FKBP5: variants seen among roughly 807,000 people sequenced by gnomAD.
The protein encoded by FKBP5 is FKBP prolyl isomerase 5.
Under a neutral mutation model 50.5 loss-of-function variants are expected in FKBP5, and 23 were observed. The ratio of observed to expected loss-of-function variants is 0.46; its 90% CI spans 0.33 to 0.65. The LOEUF is 0.65. Ranked by LOEUF, FKBP5 falls within the 30% of genes least tolerant of loss-of-function variation. The pLI is 0.02. For synonymous variants in FKBP5, 176 were observed against 190.6 expected, an observed-to-expected ratio of 0.92 and a Z score of 0.63; for missense variants, 411 against 553.1, an observed-to-expected ratio of 0.74 and a Z score of 2.58.
intron 8 of FKBP5, chr6:35,582,142 C>T: frequency 1.2e-5 from 12 of 984,508 alleles, no homozygotes; most frequent in Non-Finnish European, 1.4e-5. Context: ...GAACATCCTT[C>T]TTCCCAAGTC....
chr6:35,700,134 G>A (rs1215982369), intron 2 of FKBP5, among the ~76,000 whole-genome samples: 1 of 152,190 alleles, frequency 6.6e-6, no homozygotes, highest in East Asian at 1.9e-4. Context: ...CGGACCTGTG[G>A]CTGCTATGTG....
At chr6:35,727,885 A>C (rs1766751606) in intron 1 of FKBP5, among the ~76,000 whole-genome samples, 1 of 152,160 alleles carries the variant, frequency 6.6e-6, no homozygotes, top group African/African-American at 2.4e-5. Context: ...TGGGGTACCC[A>C]AGCAGGGGCA....
At chr6:35,600,795 C>T (rs1763123737) in intron 5 of FKBP5, among the ~76,000 whole-genome samples, 1 of 152,184 alleles carries the variant, frequency 6.6e-6, no homozygotes, top group African/African-American at 2.4e-5. Flanking sequence ...TCCAGAGACT[C>T]TGCAAGGATT....
chr6:35,671,840 C>T (rs965175155), intron 1 of FKBP5, among the ~76,000 whole-genome samples: 2 of 151,960 alleles, frequency 1.3e-5, no homozygotes, highest in African/African-American at 4.8e-5. Flanking sequence ...AAACTCAGCC[C>T]TCAAAAGAAC....
chr6:35,610,666 T>C (rs1763465396), intron 5 of FKBP5, among the ~76,000 whole-genome samples: 1 of 151,786 alleles, frequency 6.6e-6, no homozygotes, highest in Non-Finnish European at 1.5e-5. Context: ...TTTTGTTTTA[T>C]TATTTATTTT....
intron 1 of FKBP5, among the ~76,000 whole-genome samples, chr6:35,722,588 C>T (rs1251644235): frequency 1.3e-5 from 2 of 152,198 alleles, no homozygotes; most frequent in African/African-American, 2.4e-5. Flanking sequence ...CTCATCTCCC[C>T]GGGCTCTCCA....
chr6:35,703,043 A>ACCTCAGCCT (rs1175659649), intron 2 of FKBP5, among the ~76,000 whole-genome samples: 7 of 152,188 alleles, frequency 4.6e-5, no homozygotes, highest in African/African-American at 1.7e-4. Flanking sequence ...TGAGGTCAGG[A>ACCTCAGCCT]GTTCAAGACC....
chr6:35,647,810 G>C (rs142882377), intron 1 of FKBP5, among the ~76,000 whole-genome samples: 2 of 152,348 alleles, frequency 1.3e-5, no homozygotes, highest in Non-Finnish European at 2.9e-5. Flanking sequence ...GAAAGGATAT[G>C]TCAAGGTACT....
chr6:35,597,628 CAAT>C (rs1763015480), intron 5 of FKBP5, among the ~76,000 whole-genome samples: 1 of 152,156 alleles, frequency 6.6e-6, no homozygotes, highest in African/African-American at 2.4e-5. Context: ...ATATTTGTAT[CAAT>C]AAGACAGTTT....
chr6:35,665,328 A>C, intron 1 of FKBP5, among the ~76,000 whole-genome samples: 2 of 146,326 alleles, frequency 1.4e-5, no homozygotes, highest in Admixed American at 6.9e-5. Flanking sequence ...TCACTCTGTC[A>C]CCAAGCTGGA....
chr6:35,705,238 ATATATATATATATATATATATTTT>A (rs1475753567), intron 2 of FKBP5, among the ~76,000 whole-genome samples: 7 of 34,694 alleles, frequency 2.0e-4, no homozygotes, highest in African/African-American at 4.5e-4. Flanking sequence ...ATATATATAT[ATATATATATATATATATATATTTT>A]TTTTTTTTTT....
chr6:35,673,125 C>G (rs1765434087), intron 1 of FKBP5, among the ~76,000 whole-genome samples: 1 of 152,174 alleles, frequency 6.6e-6, no homozygotes, highest in Non-Finnish European at 1.5e-5. Context: ...TATTGAGCAA[C>G]TGGTATGGCC....
chr6:35,676,232 T>C (rs1162378788), intron 1 of FKBP5, among the ~76,000 whole-genome samples: 1 of 152,182 alleles, frequency 6.6e-6, no homozygotes, highest in African/African-American at 2.4e-5. Flanking sequence ...CATAAATAAA[T>C]CTAAATCCAC....
intron 1 of FKBP5, among the ~76,000 whole-genome samples, chr6:35,655,953 A>G (rs552099294): frequency 6.6e-6 from 1 of 152,326 alleles, no homozygotes; most frequent in South Asian, 2.1e-4. Flanking sequence ...AAATATGGAC[A>G]GTCAAGAACA....
chr6:35,689,344 T>TA (rs903232124), upstream of FKBP5, among the ~76,000 whole-genome samples: 130 of 152,264 alleles, frequency 8.5e-4, no homozygotes, highest in African/African-American at 3.0e-3. Flanking sequence ...GGCTGTTTGT[T>TA]AGGTCAGCTG....
intron 10 of FKBP5, 32 bp from the exon 11 acceptor site, chr6:35,575,974 G>A: frequency 1.4e-6 from 2 of 1,446,908 alleles, no homozygotes; most frequent in African/African-American, 1.4e-5. Flanking sequence ...AAGAAGGTTA[G>A]AGAATAAAGA....
At chr6:35,726,287 T>C (rs575453830) in intron 1 of FKBP5, among the ~76,000 whole-genome samples, 2 of 151,870 alleles carry the variant, frequency 1.3e-5, no homozygotes, top group African/African-American at 4.8e-5. Flanking sequence ...TACGTAGGAG[T>C]GGCAGGCCAG....
chr6:35,655,958 A>G (rs1764933166), intron 1 of FKBP5, among the ~76,000 whole-genome samples: 2 of 152,212 alleles, frequency 1.3e-5, no homozygotes, highest in African/African-American at 4.8e-5. Context: ...TGGACAGTCA[A>G]GAACAAAGGA....
At chr6:35,592,372 G>T (rs1460022185) in intron 6 of FKBP5, among the ~76,000 whole-genome samples, 1 of 152,130 alleles carries the variant, frequency 6.6e-6, no homozygotes, top group Non-Finnish European at 1.5e-5. Flanking sequence ...CACCTCCACT[G>T]TTACACAGAA....
Sources: allele counts gnomAD v4.1 joint callset (sites outside exome capture counted in the v4.1 genomes callset), GRCh38; gene constraint gnomAD v4.1.1; transcripts MANE v1.5; gene names NCBI Gene and HGNC (gene_info 2026-07-23, HGNC 2026-07-21).